Variants in RIMS1 observed in about 807,000 individuals in gnomAD.
RIMS1 encodes regulating synaptic membrane exocytosis protein 1.
Under a neutral mutation model 214.1 loss-of-function variants are expected in RIMS1, and 83 were observed. The ratio of observed to expected loss-of-function variants is 0.39; its 90% CI spans 0.32 to 0.47. RIMS1 has a LOEUF of 0.47. Among genes scored for constraint, RIMS1 ranks in the 20% least tolerant of loss-of-function variants. The pLI is 0.99. For missense variants in RIMS1, 2,050 were observed against 2,161.8 expected (o/e 0.95, Z 1.03); for synonymous variants, 793 against 786.8 (o/e 1.01, Z -0.13).
chr6:72,370,926 A>G (rs2098196653), intron 29 of RIMS1, among the ~76,000 whole-genome samples: 1 of 152,218 alleles, frequency 6.6e-6, no homozygotes, highest in Admixed American at 6.5e-5. Context: ...AGAAGAATGT[A>G]GTTGGGAGGA....
chr6:72,147,728 G>A lies in RIMS1; in HGVS notation c.472-31847G>A, dbSNP rs530198551. ...AGCTTGAATATCCACTTTTAATTAA[G>A]CTGACTTTTAACTATAGTGCTCTGT... On this transcript the variant is annotated intron_variant, in intron 4 of 33. Transcript: ENST00000521978. Among the ~76,000 whole-genome samples, 110 of 152,262 alleles carry A rather than the reference G, an allele frequency of 7.2e-4. 3 individuals are homozygous for A. The South Asian group carries it at 0.022, about 31-fold the overall frequency.
chr6:72,068,843 G>A (rs913822286), intron 2 of RIMS1, among the ~76,000 whole-genome samples: 10 of 151,840 alleles, frequency 6.6e-5, no homozygotes, highest in Non-Finnish European at 7.4e-5. Context: ...CTCGGGAGGC[G>A]GAGCTTGCAG....
At chr6:71,907,148 T>G (rs1006607260) in intron 1 of RIMS1, among the ~76,000 whole-genome samples, 1 of 152,174 alleles carries the variant, frequency 6.6e-6, no homozygotes, top group African/African-American at 2.4e-5. Context: ...TTAGCAGCAC[T>G]TTGGAATAGA....
At chr6:72,248,369 A>G (rs751853708) in intron 12 of RIMS1, among the ~76,000 whole-genome samples, 1 of 152,182 alleles carries the variant, frequency 6.6e-6, no homozygotes, top group Non-Finnish European at 1.5e-5. Context: ...ATGAATGGTA[A>G]CATAAGTAAA....
At chr6:71,943,011 T>C (rs1008298189) in intron 1 of RIMS1, among the ~76,000 whole-genome samples, 2 of 152,094 alleles carry the variant, frequency 1.3e-5, no homozygotes, top group African/African-American at 4.8e-5. Context: ...AGTCAAAATA[T>C]ATTATAACTT....
chr6:72,237,903 A>T lies in RIMS1; in HGVS notation c.1938A>T (p.Val646=). The T allele has an allele frequency of 6.2e-7, 1 of 1,612,576 alleles. No homozygotes were observed. Among genetic ancestry groups the T allele is most frequent in the Non-Finnish European group, 8.5e-7 (1 of 1,178,958 alleles). ...TKVKKGSLAD[V]VGHLRAGDEV... ...TAAAGAAGGGTAGCCTAGCAGATGTAGTTGGACACCTAAGAGCAGGTAAAG... is the reference window on the plus strand; with the variant it reads ...TAAAGAAGGGTAGCCTAGCAGATGTTGTTGGACACCTAAGAGCAGGTAAAG... Residue 646 remains valine, a synonymous_variant, in exon 9 of 34, where the codon GTA becomes GTT. Coordinates refer to ENST00000521978, the MANE Select transcript of RIMS1 (RefSeq NM_014989.7).
At position 72,377,050 on chromosome 6, in the gene RIMS1, A is replaced by G. The variant is rs2098402548; in HGVS notation, c.4367-13548A>G. On this transcript the variant is annotated intron_variant, in intron 29 of 33. Transcript: ENST00000521978. The stretch of plus-strand genomic sequence containing the variant: ...ATAAACCAAACTAACAAAATGCCAA[A>G]TAAAAGGTCTTTTAGTCTCCTTCCT... Among the ~76,000 whole-genome samples, 3 of 152,318 alleles carry G rather than the reference A, an allele frequency of 2.0e-5. 1 individual carries two copies. The South Asian group carries it at 6.2e-4, about 32-fold the overall frequency.
At chr6:72,094,393 T>G (rs949479353) in intron 2 of RIMS1, among the ~76,000 whole-genome samples, 1 of 152,188 alleles carries the variant, frequency 6.6e-6, no homozygotes, top group Non-Finnish European at 1.5e-5. Flanking sequence ...GCCCTGCCTG[T>G]ATATATTGCA....
intron 6 of RIMS1, among the ~76,000 whole-genome samples, chr6:72,185,846 C>A (rs1385445786): frequency 6.6e-6 from 1 of 152,212 alleles, no homozygotes; most frequent in Non-Finnish European, 1.5e-5. Flanking sequence ...ACCTCTTTTG[C>A]CTCTGACATC....
At chr6:72,168,468 G>T (rs902239760) in intron 4 of RIMS1, among the ~76,000 whole-genome samples, 4 of 152,166 alleles carry the variant, frequency 2.6e-5, no homozygotes, top group Non-Finnish European at 5.9e-5. Context: ...CTTCTTTCCT[G>T]ATTATTAGTT....
intron 7 of RIMS1, among the ~76,000 whole-genome samples, 200 bp downstream of exon 7, chr6:72,234,040 TTAAA>T (rs2063094290): frequency 6.6e-6 from 1 of 152,132 alleles, no homozygotes; most frequent in African/African-American, 2.4e-5. Flanking sequence ...AAAACAATTA[TTAAA>T]TAATTACTAT....
intron 28 of RIMS1, among the ~76,000 whole-genome samples, chr6:72,314,288 T>C (rs2095652890): frequency 6.6e-6 from 1 of 152,220 alleles, no homozygotes; most frequent in South Asian, 2.1e-4. Context: ...GTATTAGTTC[T>C]TTACTAGTTT....
intron 6 of RIMS1, among the ~76,000 whole-genome samples, chr6:72,214,195 A>G (rs1354609906): frequency 1.3e-5 from 2 of 152,132 alleles, no homozygotes; most frequent in Non-Finnish European, 2.9e-5. Context: ...TGTAATTTTG[A>G]AATCCATGAA....
chr6:72,324,462 T>G (rs866631035), intron 28 of RIMS1, among the ~76,000 whole-genome samples: 3 of 151,452 alleles, frequency 2.0e-5, no homozygotes, highest in African/African-American at 7.3e-5. Flanking sequence ...GTTGAAAAAA[T>G]GTGGAATAAT....
At chr6:72,060,361 G>C (rs1279392209) in intron 2 of RIMS1, among the ~76,000 whole-genome samples, 2 of 152,054 alleles carry the variant, frequency 1.3e-5, no homozygotes, top group African/African-American at 4.8e-5. Flanking sequence ...CCTACACTCT[G>C]CCTCCAGATT....
At chr6:72,220,644 G>A (rs1016510308) in intron 6 of RIMS1, among the ~76,000 whole-genome samples, 1 of 152,022 alleles carries the variant, frequency 6.6e-6, no homozygotes, top group Non-Finnish European at 1.5e-5. Flanking sequence ...CATTGGCTCT[G>A]CCATTTTATA....
chr6:72,150,503 T>C (rs1267952741), intron 4 of RIMS1, among the ~76,000 whole-genome samples: 3 of 152,214 alleles, frequency 2.0e-5, no homozygotes, highest in Non-Finnish European at 2.9e-5. Flanking sequence ...AAATATGGGT[T>C]GTGAAGACTT....
chr6:71,914,348 A>G (rs1166207133), intron 1 of RIMS1, among the ~76,000 whole-genome samples: 1 of 152,068 alleles, frequency 6.6e-6, no homozygotes, highest in African/African-American at 2.4e-5. Flanking sequence ...TTTTTCCACA[A>G]AAAATTTAAG....
At position 72,284,130 on chromosome 6, in the gene RIMS1, G is replaced by A. The variant is rs766216452; in HGVS notation, c.3554+12G>A. ...TCTGATGCAGAAAGGTAGGCTTGGTGTTGTGGTGTGCTGACATCTTCCATT... is the reference window on the plus strand; with the variant it reads ...TCTGATGCAGAAAGGTAGGCTTGGTATTGTGGTGTGCTGACATCTTCCATT... On this transcript the variant is annotated intron_variant, in intron 24 of 33. Transcript: ENST00000521978. 4.3e-6 allele frequency: 7 copies of A among 1,609,852 alleles called. No homozygotes were observed. In the Middle Eastern group the frequency reaches 6.6e-4, roughly 151 times the overall value.
Sources: gnomAD v4.1 joint callset for allele counts (sites outside exome capture counted in the v4.1 genomes callset) on GRCh38, gnomAD v4.1.1 for gene constraint, MANE v1.5 for transcripts, NCBI Gene and HGNC (gene_info 2026-07-23, HGNC 2026-07-21) for gene names.